The following TUFT1 variants were observed in gnomAD, a reference collection of about 807,000 sequenced individuals.
TUFT1 encodes tuftelin 1.
A neutral mutation model predicts 57.8 loss-of-function variants in TUFT1; 43 were observed. That is an observed-to-expected ratio of 0.74 (90% CI 0.58 to 0.96). The LOEUF is 0.96. Among genes scored for constraint, TUFT1 ranks in the 40% least tolerant of loss-of-function variants. The probability of loss-of-function intolerance (pLI) is 0.00; values close to 1 mark genes in which losing one functional copy is unlikely to be tolerated. For missense variants in TUFT1, 459 were observed against 489.0 expected (o/e 0.94, Z 0.58); for synonymous variants, 166 against 176.7 (o/e 0.94, Z 0.48).
chr1:151,564,027 A>C, intron 4 of TUFT1, 37 bp downstream of exon 4: 1 of 1,502,642 alleles, frequency 6.7e-7, no homozygotes, highest in Non-Finnish European at 9.1e-7. Flanking sequence ...TGCCTAGGTC[A>C]TTTCTCTAAA....
chr1:151,554,365 T>C (rs7533032), intron 1 of TUFT1, among the ~76,000 whole-genome samples: 143,699 of 152,274 alleles, frequency 0.94, 68,398 homozygotes, highest in East Asian at 1. Flanking sequence ...TGAATTTCTT[T>C]TGCTCTGTGG....
intron 12 of TUFT1, 52 bp from the exon 13 acceptor site, chr1:151,581,592 C>A (rs1238703300): frequency 1.3e-6 from 2 of 1,582,736 alleles, no homozygotes; most frequent in African/African-American, 1.3e-5. Flanking sequence ...GAAGGGTGGG[C>A]CACAACACAG....
chr1:151,557,828 G>T, intron 1 of TUFT1: 2 of 751,100 alleles, frequency 2.7e-6, no homozygotes. Context: ...ACCTACAGAC[G>T]GAGTGCTGTG....
chr1:151,565,921 A>C, intron 5 of TUFT1: 17 of 384,422 alleles, frequency 4.4e-5, no homozygotes, highest in Non-Finnish European at 6.5e-5. Context: ...TCTTGTTTCT[A>C]TTTTCTCATG....
At chr1:151,575,051 G>A in intron 9 of TUFT1, 46 bp downstream of exon 9, 4 of 1,513,386 alleles carry the variant, frequency 2.6e-6, no homozygotes, top group Non-Finnish European at 3.6e-6. Flanking sequence ...TTGCAGGGAG[G>A]GGAGGGCAGG....
chr1:151,574,958 A>G lies in TUFT1; in HGVS notation c.771A>G (p.Leu257=), dbSNP rs1307403898. ...LAKVREGEVA[L]EELRSNNADC... is the part of the protein sequence containing the mutation. ...AAGTGAGGGAAGGGGAGGTGGCCCTAGAGGAACTTCGGAGCAACAATGCTG... is the reference window on the plus strand; with the variant it reads ...AAGTGAGGGAAGGGGAGGTGGCCCTGGAGGAACTTCGGAGCAACAATGCTG... The change falls in exon 9 of 13, where the codon CTA becomes CTG. Residue 257 remains leucine (L), a synonymous_variant. Transcript: ENST00000368849. 3 of 1,577,876 alleles carry G rather than the reference A, an allele frequency of 1.9e-6. No individual in the cohort carries two copies. The highest frequency in any genetic ancestry group is 3.7e-5 in the Admixed American group (2 of 54,470).
At chr1:151,571,596 T>C (rs988418545) in intron 7 of TUFT1, among the ~76,000 whole-genome samples, 2 of 152,126 alleles carry the variant, frequency 1.3e-5, no homozygotes, top group African/African-American at 4.8e-5. Context: ...ATTTAGTTGG[T>C]GATGTATCAG....
Position 151,561,822 on chromosome 1 carries a change from T to G in TUFT1, c.61-269T>G, listed in dbSNP as rs552463561. 27 of 1,445,784 alleles carry G rather than the reference T, an allele frequency of 1.9e-5. No individual in the cohort carries two copies. The South Asian group carries it at 3.3e-4, about 18-fold the overall frequency. 89.6% of individuals were successfully genotyped at this position (1,445,784 alleles called of 1,614,324 possible). A position where few individuals can be genotyped will look rare whatever the true frequency, so the allele number is the denominator to read the frequency against. On this transcript the variant is annotated intron_variant, in intron 1 of 12. Coordinates refer to ENST00000368849, the MANE Select transcript of TUFT1 (RefSeq NM_020127.3). ...GTTCCCTGTAGTCCAAGAACCAGGG[T>G]AGCCCTGCTGGAGCTCTACAGAGCC...
intron 11 of TUFT1, 113 bp from the exon 12 acceptor site, chr1:151,580,829 G>T: frequency 1.1e-6 from 1 of 882,772 alleles, no homozygotes; most frequent in Non-Finnish European, 1.8e-6. Flanking sequence ...GCATGGTGGG[G>T]GTAGAGGCAA....
At chr1:151,553,243 C>T (rs1278309186) in intron 1 of TUFT1, among the ~76,000 whole-genome samples, 1 of 152,110 alleles carries the variant, frequency 6.6e-6, no homozygotes, top group African/African-American at 2.4e-5. Flanking sequence ...AGGCACCTGA[C>T]ACCACGCCTG....
intron 1 of TUFT1, chr1:151,540,750 A>G (rs1286921511): frequency 6.0e-6 from 2 of 335,442 alleles, no homozygotes; most frequent in Admixed American, 4.5e-5. Context: ...ATTGGGTCAT[A>G]AGAGAATGAG....
chr1:151,561,708 T>C, intron 1 of TUFT1: 1 of 1,297,562 alleles, frequency 7.7e-7, no homozygotes, highest in South Asian at 1.2e-5. Flanking sequence ...ACTTGCTGGC[T>C]GGTTGTCAGG....
chr1:151,559,323 G>T (rs769240860), intron 1 of TUFT1, among the ~76,000 whole-genome samples: 4 of 152,244 alleles, frequency 2.6e-5, no homozygotes, highest in Non-Finnish European at 5.9e-5. Context: ...CTGAGAGGCA[G>T]ATGCCATGGG....
intron 9 of TUFT1, among the ~76,000 whole-genome samples, chr1:151,577,231 A>G (rs1387711807): frequency 6.6e-6 from 1 of 152,184 alleles, no homozygotes; most frequent in African/African-American, 2.4e-5. Flanking sequence ...GGTTCATTAC[A>G]TTGGCATGAT....
chr1:151,575,084 G>T (rs1666419181), intron 9 of TUFT1, 79 bp downstream of exon 9: 1 of 1,291,558 alleles, frequency 7.7e-7, no homozygotes, highest in Admixed American at 2.0e-5. Context: ...TTGCTCCTGT[G>T]GTGGCCTGGT....
At chr1:151,579,538 T>C in intron 10 of TUFT1, 111 bp from the exon 11 acceptor site, 1 of 946,532 alleles carries the variant, frequency 1.1e-6, no homozygotes, top group Non-Finnish European at 1.6e-6. Flanking sequence ...GCTAATGAAG[T>C]CATATGGAGT....
intron 11 of TUFT1, among the ~76,000 whole-genome samples, chr1:151,580,175 C>T (rs1286338462): frequency 3.9e-5 from 6 of 152,170 alleles, no homozygotes; most frequent in Middle Eastern, 3.2e-3. Context: ...CTGTTGACTA[C>T]CTGAAGATCA....
At chr1:151,578,412 C>T (rs1410494899) in intron 9 of TUFT1, among the ~76,000 whole-genome samples, 2 of 152,142 alleles carry the variant, frequency 1.3e-5, no homozygotes, top group African/African-American at 2.4e-5. Context: ...TGGGTTCAAG[C>T]GATTCTTGTG....
chr1:151,574,823 C>G, intron 8 of TUFT1, 88 bp from the exon 9 acceptor site: 2 of 1,163,198 alleles, frequency 1.7e-6, no homozygotes, highest in East Asian at 5.1e-5. Flanking sequence ...CCAGTAGGGG[C>G]TGAGTCCCAG....
Sources: allele counts gnomAD v4.1 joint callset (sites outside exome capture counted in the v4.1 genomes callset), GRCh38; gene constraint gnomAD v4.1.1; transcripts MANE v1.5; gene names NCBI Gene and HGNC (gene_info 2026-07-23, HGNC 2026-07-21).